BTBD7: variants seen among roughly 807,000 people sequenced by gnomAD.
BTBD7 encodes BTB/POZ domain-containing protein 7.
In BTBD7, 38 loss-of-function variants were observed where a neutral mutation model predicts 99.9. The ratio of observed to expected loss-of-function variants is 0.38; its 90% CI spans 0.29 to 0.50. The LOEUF (loss-of-function observed/expected upper bound fraction) is 0.50, where lower values mean the gene tolerates loss of function less well. Among genes scored for constraint, BTBD7 ranks in the 20% least tolerant of loss-of-function variants. The probability of loss-of-function intolerance (pLI) is 0.93; values close to 1 mark genes in which losing one functional copy is unlikely to be tolerated. For missense variants in BTBD7, 1,170 were observed against 1,394.6 expected, an observed-to-expected ratio of 0.84 and a Z score of 2.57; for synonymous variants, 520 against 511.4, an observed-to-expected ratio of 1.02 and a Z score of -0.23.
At chr14:93,325,106 ATTTTTTTT>A (rs34523849) in intron 1 of BTBD7, among the ~76,000 whole-genome samples, 5 of 105,574 alleles carry the variant, frequency 4.7e-5, no homozygotes, top group Admixed American at 1.1e-4. Flanking sequence ...GCATGCTCCA[ATTTTTTTT>A]TTTTTTTTTT....
rs760882700 is a variant in BTBD7 at position 93,242,828 on chromosome 14, G to T, written c.2844C>A (p.Phe948Leu). 4 of 1,614,068 alleles carry T rather than the reference G, an allele frequency of 2.5e-6. No homozygotes were observed. The Admixed American group carries it at 5.0e-5, about 20-fold the overall frequency. ...TAGAAGGTCTGCAAGCAGCATTTGA[G>T]AAGTCATAGAAATCCGGATATTCCT... ...NPQEYPDFYD[F>L]SNAACRPSTP... Residue 948 changes from phenylalanine to leucine, a missense_variant, in exon 11 of 11, where the codon TTC becomes TTA. By Grantham distance (22) the Phe-to-Leu change is conservative. This residue lies in a region of BTBD7 where 495 missense variants were observed against 525.9 expected (regional missense o/e 0.94). Transcript: ENST00000334746.
chr14:93,264,260 A>G (rs769357009), intron 3 of BTBD7, among the ~76,000 whole-genome samples: 1 of 152,218 alleles, frequency 6.6e-6, no homozygotes, highest in Admixed American at 6.5e-5. Context: ...CTATGTGCAA[A>G]CCAATAATGT....
intron 3 of BTBD7, among the ~76,000 whole-genome samples, chr14:93,274,097 C>G (rs2052629618): frequency 6.6e-6 from 1 of 152,230 alleles, no homozygotes; most frequent in Non-Finnish European, 1.5e-5. Context: ...GTCTGGCTCA[C>G]ACCTAGTAGG....
At chr14:93,323,931 T>C (rs1443517012) in intron 1 of BTBD7, among the ~76,000 whole-genome samples, 1 of 152,222 alleles carries the variant, frequency 6.6e-6, no homozygotes, top group African/African-American at 2.4e-5. Context: ...GTGACACTAT[T>C]AGACACTGTG....
intron 3 of BTBD7, among the ~76,000 whole-genome samples, chr14:93,291,910 G>T (rs985785449): frequency 3.9e-5 from 6 of 152,304 alleles, no homozygotes; most frequent in African/African-American, 1.4e-4. Flanking sequence ...AAACCTGCAA[G>T]GTGCGGTGGC....
intron 3 of BTBD7, among the ~76,000 whole-genome samples, chr14:93,275,748 G>GT (rs2052649299): frequency 6.6e-6 from 1 of 152,166 alleles, no homozygotes; most frequent in African/African-American, 2.4e-5. Context: ...TAATGCAATG[G>GT]TATCTGTTCA....
chr14:93,329,071 G>A (rs189613781), intron 1 of BTBD7, among the ~76,000 whole-genome samples: 173 of 152,222 alleles, frequency 1.1e-3, no homozygotes, highest in Admixed American at 1.9e-3. Context: ...ATCAAAGGAC[G>A]CTATCAACAG....
At chr14:93,322,069 G>C (rs917953971) in intron 1 of BTBD7, among the ~76,000 whole-genome samples, 3 of 152,006 alleles carry the variant, frequency 2.0e-5, no homozygotes, top group Non-Finnish European at 4.4e-5. Context: ...AAAGGAATTT[G>C]GACTTAAAAG....
At chr14:93,263,342 T>G (rs779715371) in intron 4 of BTBD7, among the ~76,000 whole-genome samples, 1 of 152,254 alleles carries the variant, frequency 6.6e-6, no homozygotes, top group Non-Finnish European at 1.5e-5. Flanking sequence ...GAAGAATACA[T>G]GCACTGAGTT....
chr14:93,252,126 A>G (rs1308786660), intron 7 of BTBD7, among the ~76,000 whole-genome samples: 3 of 152,076 alleles, frequency 2.0e-5, no homozygotes, highest in Non-Finnish European at 2.9e-5. Context: ...TCTGGCCAAC[A>G]AGGTGAAACC....
At chr14:93,272,895 A>G (rs1293142360) in intron 3 of BTBD7, among the ~76,000 whole-genome samples, 1 of 152,206 alleles carries the variant, frequency 6.6e-6, no homozygotes, top group Non-Finnish European at 1.5e-5. Flanking sequence ...AGTGGTGATC[A>G]GCTCAATGAC....
At chr14:93,295,089 A>C (rs1227621627) in intron 2 of BTBD7, 152 bp from the exon 3 acceptor site, 2 of 750,108 alleles carry the variant, frequency 2.7e-6, no homozygotes, top group Non-Finnish European at 4.1e-6. Flanking sequence ...AAAAAGTTCA[A>C]TTAACTCATT....
chr14:93,263,764 G>C (rs780573100), intron 4 of BTBD7, 21 bp downstream of exon 4: 1 of 1,593,780 alleles, frequency 6.3e-7, no homozygotes, highest in South Asian at 1.1e-5. Context: ...GACAGAGTTT[G>C]AGAGGTGTTT....
At chr14:93,267,461 T>C (rs1484722923) in intron 3 of BTBD7, among the ~76,000 whole-genome samples, 1 of 152,236 alleles carries the variant, frequency 6.6e-6, no homozygotes, top group Non-Finnish European at 1.5e-5. Context: ...GCTCAAACAG[T>C]CTGGAGTACC....
chr14:93,319,396 A>G (rs1036515003), intron 1 of BTBD7, among the ~76,000 whole-genome samples: 1 of 152,192 alleles, frequency 6.6e-6, no homozygotes, highest in Non-Finnish European at 1.5e-5. Context: ...AGATGAATGA[A>G]TAAAGAAAAT....
At chr14:93,285,217 G>A (rs1304489702) in intron 3 of BTBD7, among the ~76,000 whole-genome samples, 4 of 152,166 alleles carry the variant, frequency 2.6e-5, no homozygotes, top group Non-Finnish European at 5.9e-5. Flanking sequence ...TGAAATGGAT[G>A]AGTGAGTGGG....
In BTBD7 at chr14:93,295,951, T is replaced by C; in HGVS notation, c.82+19A>G. On this transcript the variant is annotated intron_variant, in intron 2 of 10. Coordinates refer to ENST00000334746, the MANE Select transcript of BTBD7 (RefSeq NM_001002860.4). The stretch of plus-strand genomic sequence containing the variant: ...TTATAGTCACAAAAGAAAATGAAGT[T>C]AGAAAAACTGAAAGTTACCTATAAA... The C allele has an allele frequency of 6.2e-7, 1 of 1,612,264 alleles. No individual in the cohort carries two copies. The highest frequency in any genetic ancestry group is 8.5e-7 in the Non-Finnish European group (1 of 1,178,600).
At chr14:93,288,512 TGAA>T in intron 3 of BTBD7, 1 of 771,892 alleles carries the variant, frequency 1.3e-6, no homozygotes. Context: ...TTGATTCTAC[TGAA>T]GTTTTCTTCT....
In BTBD7 at chr14:93,242,071, A is replaced by G. The variant is rs1449712231; in HGVS notation, c.*202T>C. 7.2e-6 allele frequency: 4 copies of G among 552,380 alleles called. No individual in the cohort carries two copies. Among genetic ancestry groups the G allele is most frequent in the Non-Finnish European group, 1.3e-5 (4 of 316,044 alleles). The allele number at this position is 552,380 out of a possible 1,614,324, so 34.2% of individuals were successfully genotyped here. A position where few individuals can be genotyped will look rare whatever the true frequency, so the allele number is the denominator to read the frequency against. On this transcript the variant is annotated 3_prime_UTR_variant, in exon 11 of 11. Transcript: ENST00000334746. ...CGACATAATTGTTCAAAGACAAATT[A>G]GACAGATGCAACATTAAAAAAAAAA... is the stretch of plus-strand genomic sequence containing the variant.
Sources: gnomAD v4.1 joint callset for allele counts (sites outside exome capture counted in the v4.1 genomes callset) on GRCh38, gnomAD v4.1.1 for gene constraint, gnomAD v4.1.1 regional missense constraint, MANE v1.5 for transcripts, NCBI Gene and HGNC (gene_info 2026-07-23, HGNC 2026-07-21) for gene names.